ECHS1: variants seen among roughly 807,000 people sequenced by gnomAD.
The protein encoded by ECHS1 is enoyl-CoA hydratase, short chain 1.
ECHS1 carries 19 observed loss-of-function variants against 33.5 expected under a neutral mutation model. That is an observed-to-expected ratio of 0.57 (90% CI 0.40 to 0.83). ECHS1 has a LOEUF of 0.83. Among genes scored for constraint, ECHS1 ranks in the 40% least tolerant of loss-of-function variants. The pLI is 0.00. For synonymous variants in ECHS1, 158 were observed against 146.6 expected (o/e 1.08, Z -0.56); for missense variants, 365 against 381.3 (o/e 0.96, Z 0.36).
In ECHS1 at chr10:133,366,913, AGAT is replaced by A; in HGVS notation, c.592_594del (p.Ile198del). On this transcript the variant is annotated inframe_deletion, in exon 5 of 8. Coordinates refer to ENST00000368547, the MANE Select transcript of ECHS1 (RefSeq NM_004092.4). ...CCTGCTTGCTTGGCGTCCTGGGCTG[AGAT>A]CCGGTCACCAGTGAGGACCATCTCC... The A allele has an allele frequency of 6.2e-7, 1 of 1,612,308 alleles. No individual in the cohort carries two copies. The highest frequency in any genetic ancestry group is 8.5e-7 in the Non-Finnish European group (1 of 1,179,942).
In ECHS1 at chr10:133,366,009, C is replaced by T. The variant is rs1849022827; in HGVS notation, c.706G>A (p.Val236Ile). The T allele has an allele frequency of 1.2e-6, 2 of 1,614,028 alleles. No homozygotes were observed. The highest frequency in any genetic ancestry group is 1.7e-5 in the Admixed American group (1 of 60,038). Reference sequence around the variant, plus strand: ...ACTGATTCTTTGGCCATCGCTACTACAATTTTAGAATTGCTGGCAATTTTT... The same window carrying T: ...ACTGATTCTTTGGCCATCGCTACTATAATTTTAGAATTGCTGGCAATTTTT... The part of the protein sequence containing the change: ...AEKIASNSKI[V>I]VAMAKESVNA... Residue 236 changes from valine to isoleucine, a missense_variant, in exon 6 of 8, where the codon GTA becomes ATA. By Grantham distance (29) the Val-to-Ile change is conservative. Coordinates refer to ENST00000368547, the MANE Select transcript of ECHS1 (RefSeq NM_004092.4).
Position 133,362,716 on chromosome 10 carries a change from G to GT in ECHS1, c.*151dup. 1.2e-6 allele frequency: 1 copy of GT among 802,780 alleles called. No individual in the cohort carries two copies. Among genetic ancestry groups the GT allele is most frequent in the Non-Finnish European group, 2.1e-6 (1 of 480,896 alleles). The allele number at this position is 802,780 out of a possible 1,614,324, so 49.7% of individuals were successfully genotyped here. A position where few individuals can be genotyped will look rare whatever the true frequency, so the allele number is the denominator to read the frequency against. On this transcript the variant is annotated 3_prime_UTR_variant, in exon 8 of 8. Transcript: ENST00000368547. The stretch of plus-strand genomic sequence containing the variant: ...GCTGGGTGACGAAGGCTGTCATGCC[G>GT]TGAGAGGTCGGGCCACGACCACGCA...
chr10:133,371,073 C>T (rs1278508211), intron 1 of ECHS1, among the ~76,000 whole-genome samples: 2 of 152,180 alleles, frequency 1.3e-5, no homozygotes, highest in African/African-American at 2.4e-5. Context: ...GTCAGGAGAT[C>T]GAGACCATCC....
At chr10:133,363,294 C>T (rs954848926) in intron 7 of ECHS1, among the ~76,000 whole-genome samples, 1 of 152,186 alleles carries the variant, frequency 6.6e-6, no homozygotes, top group Non-Finnish European at 1.5e-5. Flanking sequence ...GACGTGAGAA[C>T]TCAACTCTGC....
At chr10:133,373,022 G>A (rs1184531408) in intron 1 of ECHS1, among the ~76,000 whole-genome samples, 1 of 60,240 alleles carries the variant, frequency 1.7e-5, no homozygotes, top group African/African-American at 7.4e-5. Context: ...TGCGGGGTCA[G>A]GTGGGGGGGT....
intron 7 of ECHS1, among the ~76,000 whole-genome samples, chr10:133,363,214 T>C (rs1848986558): frequency 6.6e-6 from 1 of 152,254 alleles, no homozygotes; most frequent in East Asian, 1.9e-4. Context: ...TGCACCCATC[T>C]TGGTCACTCA....
At chr10:133,364,749 A>C (rs757039687) in intron 6 of ECHS1, 24 bp from the exon 7 acceptor site, 1 of 1,590,352 alleles carries the variant, frequency 6.3e-7, no homozygotes, top group Admixed American at 1.7e-5. Context: ...TCCCAGAGTT[A>C]TGAACGGAGA....
At chr10:133,370,260 CCA>C (rs1456329299) in intron 2 of ECHS1, among the ~76,000 whole-genome samples, 2 of 152,356 alleles carry the variant, frequency 1.3e-5, no homozygotes, top group East Asian at 3.9e-4. Flanking sequence ...AGGGAGGCGC[CCA>C]CAGAGGCTAG....
rs902691272 is a variant in ECHS1 at position 133,362,626 on chromosome 10, G to A, written c.*242C>T. 2.3e-5 allele frequency: 13 copies of A among 555,320 alleles called. No homozygotes were observed. The highest frequency in any genetic ancestry group is 4.9e-4 in the Middle Eastern group (1 of 2,060). 34.4% of individuals were successfully genotyped at this position (555,320 alleles called of 1,614,324 possible). A position where few individuals can be genotyped will look rare whatever the true frequency, so the allele number is the denominator to read the frequency against. ...CCGTCCGAGCACAGCATGCCCAGAG[G>A]GACCAGCGGGGGCTCCTCAGCAGAA... On this transcript the variant is annotated 3_prime_UTR_variant, in exon 8 of 8. Coordinates refer to ENST00000368547, the MANE Select transcript of ECHS1 (RefSeq NM_004092.4).
chr10:133,370,257 C>T (rs929260601), intron 2 of ECHS1, among the ~76,000 whole-genome samples: 14 of 152,240 alleles, frequency 9.2e-5, no homozygotes, highest in African/African-American at 2.9e-4. Flanking sequence ...GCAAGGGAGG[C>T]GCCCACAGAG....
chr10:133,373,162 G>T, intron 1 of ECHS1, 84 bp downstream of exon 1: 3 of 1,107,828 alleles, frequency 2.7e-6, no homozygotes, highest in South Asian at 3.8e-5. Flanking sequence ...CAGGTGGGAG[G>T]GGGGTGCGGT....
intron 4 of ECHS1, among the ~76,000 whole-genome samples, chr10:133,368,513 G>C (rs1298344912): frequency 1.3e-5 from 2 of 152,022 alleles, no homozygotes; most frequent in Admixed American, 1.3e-4. Context: ...CACGGGCCTG[G>C]GTGGGGGGTC....
In ECHS1 at chr10:133,370,032, C is replaced by G. The variant is rs751723650; in HGVS notation, c.287-1G>C. On this transcript the variant is annotated splice_acceptor_variant, in intron 2 of 7. Transcript: ENST00000368547. LOFTEE classifies it high-confidence loss of function. The stretch of plus-strand genomic sequence containing the variant: ...TGCATTTCCTTGATATCAGCTCCAG[C>G]TAGCAGGAGTGGAAAGGAGGTTCCA... 9 of 1,613,706 alleles carry G rather than the reference C, an allele frequency of 5.6e-6. No homozygotes were observed. The highest frequency in any genetic ancestry group is 5.9e-6 in the Non-Finnish European group (7 of 1,179,920).
At chr10:133,366,470 C>T (rs894693470) in intron 5 of ECHS1, among the ~76,000 whole-genome samples, 1 of 152,270 alleles carries the variant, frequency 6.6e-6, no homozygotes, top group African/African-American at 2.4e-5. Context: ...CAGATACTTA[C>T]GTGTGGTTCA....
intron 7 of ECHS1, among the ~76,000 whole-genome samples, chr10:133,363,505 C>T (rs562773006): frequency 9.8e-5 from 15 of 152,314 alleles, no homozygotes; most frequent in Non-Finnish European, 1.2e-4. Flanking sequence ...GTAATCTGGC[C>T]GGGTGCAGTG....
At chr10:133,363,637 A>AGCC (rs1848994787) in intron 7 of ECHS1, among the ~76,000 whole-genome samples, 1 of 152,160 alleles carries the variant, frequency 6.6e-6, no homozygotes, top group South Asian at 2.1e-4. Flanking sequence ...TACAAAAATT[A>AGCC]GCCAGGTGTG....
Position 133,370,763 on chromosome 10 carries a change from G to C in ECHS1, c.89-6C>G, listed in dbSNP as rs374193842. ...GATGTACTCAAAGTTAGCACCTGGA[G>C]CAAGAAGGCAAAAAGGGGTATCTAT... On this transcript the variant is annotated splice_polypyrimidine_tract_variant and splice_region_variant and intron_variant, in intron 1 of 7. Coordinates refer to ENST00000368547, the MANE Select transcript of ECHS1 (RefSeq NM_004092.4). The C allele has an allele frequency of 1.9e-5, 31 of 1,597,866 alleles. No individual in the cohort carries two copies. The African/African-American group carries it at 4.2e-4, about 22-fold the overall frequency.
At chr10:133,369,345 ATCCGC>A in intron 3 of ECHS1, among the ~76,000 whole-genome samples, 2 of 29,740 alleles carry the variant, frequency 6.7e-5, no homozygotes, top group Non-Finnish European at 2.6e-4. Context: ...GGAAAACTCC[ATCCGC>A]AGACCCCTGG....
chr10:133,370,575 C>A lies in ECHS1; in HGVS notation c.271G>T (p.Asp91Tyr). Residue 91 changes from aspartate (D) to tyrosine (Y), a missense_variant, in exon 2 of 8, where the codon GAT (aspartate) becomes TAT (tyrosine). Physicochemically the swap from Asp to Tyr is radical, Grantham distance 160. Transcript: ENST00000368547. Reference sequence around the variant, plus strand: ...CCGCGCGTACCTGCAAAGGCCTTATCCCCGCCGGTGAGGACAATGGCCCCC... The same window carrying A: ...CCGCGCGTACCTGCAAAGGCCTTATACCCGCCGGTGAGGACAATGGCCCCC... The part of the protein sequence containing the change: ...AVGAIVLTGG[D>Y]KAFAAGADIK... The A allele has an allele frequency of 6.3e-7, 1 of 1,594,194 alleles. No individual in the cohort carries two copies. Among genetic ancestry groups the A allele is most frequent in the Non-Finnish European group, 8.5e-7 (1 of 1,171,126 alleles).
Sources: gnomAD v4.1 joint callset for allele counts (sites outside exome capture counted in the v4.1 genomes callset) on GRCh38, gnomAD v4.1.1 for gene constraint, MANE v1.5 for transcripts, NCBI Gene and HGNC (gene_info 2026-07-23, HGNC 2026-07-21) for gene names.